Variants in CPLANE1 observed in about 807,000 individuals in gnomAD.
The protein encoded by CPLANE1 is ciliogenesis and planar polarity effector 1.
Under a neutral mutation model 362.5 loss-of-function variants are expected in CPLANE1, and 263 were observed. That is an observed-to-expected ratio of 0.73 (90% CI 0.66 to 0.80). CPLANE1 has a LOEUF of 0.80. Ranked by LOEUF, CPLANE1 falls within the 30% of genes least tolerant of loss-of-function variation. The probability of loss-of-function intolerance (pLI) is 0.00; values close to 1 mark genes in which losing one functional copy is unlikely to be tolerated. For synonymous variants in CPLANE1, 1,212 were observed against 1,302.6 expected (o/e 0.93, Z 1.50); for missense variants, 3,461 against 3,793.4 (o/e 0.91, Z 2.30).
At chr5:37,150,336 C>T (rs1773133602) in intron 42 of CPLANE1, among the ~76,000 whole-genome samples, 1 of 152,130 alleles carries the variant, frequency 6.6e-6, no homozygotes, top group African/African-American at 2.4e-5. Flanking sequence ...CATGTGCTCT[C>T]CCTGAGGAGC....
chr5:37,136,515 G>T (rs1428901536), intron 46 of CPLANE1, among the ~76,000 whole-genome samples: 2 of 152,198 alleles, frequency 1.3e-5, no homozygotes, highest in African/African-American at 2.4e-5. Flanking sequence ...CCATTCTGGG[G>T]TCTGAAGGAC....
chr5:37,201,327 T>C (rs554305866), intron 19 of CPLANE1, among the ~76,000 whole-genome samples: 1 of 152,316 alleles, frequency 6.6e-6, no homozygotes, highest in East Asian at 1.9e-4. Context: ...GGTCCTGAGC[T>C]AGAAGATTTT....
Position 37,122,614 on chromosome 5 carries a change from C to T in CPLANE1, c.8959-126G>A, listed in dbSNP as rs1171135008. On this transcript the variant is annotated intron_variant, in intron 47 of 52. Coordinates refer to ENST00000651892, the MANE Select transcript of CPLANE1 (RefSeq NM_001384732.1). ...TGTTTGATGAAGCTTCCTACTCTAG[C>T]ATAAAACATAAAAATGTTAAATTAA... The T allele has an allele frequency of 8.8e-6, 6 of 682,732 alleles. No individual in the cohort carries two copies. The African/African-American group carries it at 1.1e-4, about 13-fold the overall frequency. The allele number at this position is 682,732 out of a possible 1,614,324, so 42.3% of individuals were successfully genotyped here. A position where few individuals can be genotyped will look rare whatever the true frequency, so the allele number is the denominator to read the frequency against.
intron 24 of CPLANE1, among the ~76,000 whole-genome samples, chr5:37,185,540 C>T (rs1783755825): frequency 6.6e-6 from 1 of 151,696 alleles, no homozygotes; most frequent in Non-Finnish European, 1.5e-5. Context: ...TTCAAGGCTG[C>T]CTATAGAAAC....
chr5:37,180,918 C>G lies in CPLANE1; in HGVS notation c.5509G>C (p.Ala1837Pro), dbSNP rs1202045583. The change falls in exon 27 of 53, where the codon GCA becomes CCA. Residue 1837 changes from alanine to proline, a missense_variant. This residue lies in a region of CPLANE1 where 3,380 missense variants were observed against 3,666.1 expected (regional missense o/e 0.92). Coordinates refer to ENST00000651892, the MANE Select transcript of CPLANE1 (RefSeq NM_001384732.1). Reference sequence around the variant, plus strand: ...CTTTCCTCAGTTCCACCTGGAGTTGCTACTGCAACTGAACCGCCAGCATCT... The same window carrying G: ...CTTTCCTCAGTTCCACCTGGAGTTGGTACTGCAACTGAACCGCCAGCATCT... ...KSDAGGSVAVATPGGTEERNG... is the reference protein window; with the variant it reads ...KSDAGGSVAVPTPGGTEERNG... 2 of 1,613,928 alleles carry G rather than the reference C, an allele frequency of 1.2e-6. No homozygotes were observed. Among genetic ancestry groups the G allele is most frequent in the Non-Finnish European group, 1.7e-6 (2 of 1,179,844 alleles).
the CPLANE1 span, among the ~76,000 whole-genome samples, chr5:37,099,548 G>C: frequency 1.3e-5 from 2 of 152,124 alleles, no homozygotes; most frequent in African/African-American, 4.8e-5. Flanking sequence ...TATCATTGAT[G>C]GGCATTTGGG....
chr5:37,107,389 T>C lies in CPLANE1; in HGVS notation c.*213A>G, dbSNP rs909002375. On this transcript the variant is annotated 3_prime_UTR_variant, in exon 53 of 53. Transcript: ENST00000651892. Reference sequence around the variant, plus strand: ...ATGCATCAAATACAAAAACATATAATACATCAATAGTCAACCCTTTCCCCA... The same window carrying C: ...ATGCATCAAATACAAAAACATATAACACATCAATAGTCAACCCTTTCCCCA... 8.0e-7 allele frequency: 1 copy of C among 1,250,624 alleles called. No individual in the cohort carries two copies. The highest frequency in any genetic ancestry group is 1.0e-6 in the Non-Finnish European group (1 of 994,890). 77.5% of individuals were successfully genotyped at this position (1,250,624 alleles called of 1,614,324 possible).
rs1234365745 is a variant in CPLANE1, at chr5:37,182,804, G to C, written c.5377C>G (p.Gln1793Glu). ...GCCTTATATGTAGCAAAATAGGGTTGTTCCAAAAGCCATAATGATGTAAGA... is the reference window on the plus strand; with the variant it reads ...GCCTTATATGTAGCAAAATAGGGTTCTTCCAAAAGCCATAATGATGTAAGA... ...AILTSLWLLE[Q>E]PYFATYKAKN... Residue 1793 changes from glutamine (Q) to glutamate (E), a missense_variant, in exon 26 of 53, where the codon CAA becomes GAA. Transcript: ENST00000651892. 3 of 1,613,502 alleles carry C rather than the reference G, an allele frequency of 1.9e-6. No individual in the cohort carries two copies. Among genetic ancestry groups the C allele is most frequent in the Non-Finnish European group, 2.5e-6 (3 of 1,179,832 alleles).
At chr5:37,242,110 C>A (rs879398270) in intron 6 of CPLANE1, among the ~76,000 whole-genome samples, 6 of 152,074 alleles carry the variant, frequency 3.9e-5, no homozygotes, top group Admixed American at 3.3e-4. Context: ...AATTCCAGCA[C>A]TTTGGGAGGC....
At chr5:37,243,691 T>G (rs944666838) in intron 5 of CPLANE1, among the ~76,000 whole-genome samples, 1 of 147,074 alleles carries the variant, frequency 6.8e-6, no homozygotes, top group Non-Finnish European at 1.5e-5. Context: ...ATATATAATA[T>G]ATAACATATA....
At chr5:37,216,544 A>G (rs1463214500) in intron 15 of CPLANE1, among the ~76,000 whole-genome samples, 1 of 152,118 alleles carries the variant, frequency 6.6e-6, no homozygotes, top group African/African-American at 2.4e-5. Context: ...GTGAGGCCCT[A>G]TCTCAAACAC....
rs561305782 is a variant in CPLANE1, at chr5:37,220,341, T to C, written c.2746+983A>G. ...TTGCTATCAACTCTGTTTAGAAATT[T>C]CAAATACATTGGGCCTTTCAGACAC... On this transcript the variant is annotated intron_variant, in intron 15 of 52. Coordinates refer to ENST00000651892, the MANE Select transcript of CPLANE1 (RefSeq NM_001384732.1). Among the ~76,000 whole-genome samples, 15 of 152,256 alleles carry C rather than the reference T, an allele frequency of 9.9e-5. No homozygotes were observed. The South Asian group carries it at 2.9e-3, about 29-fold the overall frequency.
intron 46 of CPLANE1, chr5:37,130,684 C>T (rs544532284): frequency 5.2e-5 from 8 of 153,460 alleles, no homozygotes; most frequent in Admixed American, 6.5e-5. Flanking sequence ...AAAGCAAACC[C>T]GTTAATGTTG....
Position 37,167,343 on chromosome 5 carries a change from A to G in CPLANE1, c.7234-130T>C, listed in dbSNP as rs1248936381. ...CAACAGTTAGAACAAATCAAATATA[A>G]CAAATTGATTTAAACTGGCAATATG... is the stretch of plus-strand genomic sequence containing the variant. On this transcript the variant is annotated intron_variant, in intron 34 of 52. Coordinates refer to ENST00000651892, the MANE Select transcript of CPLANE1 (RefSeq NM_001384732.1). 5.5e-6 allele frequency: 4 copies of G among 721,182 alleles called. No individual in the cohort carries two copies. In the East Asian group the frequency reaches 1.1e-4, roughly 20 times the overall value. 44.7% of individuals were successfully genotyped at this position (721,182 alleles called of 1,614,324 possible).
rs866590257 is a variant in CPLANE1, at chr5:37,125,278, T to C, written c.8924A>G (p.Gln2975Arg). The C allele has an allele frequency of 1.9e-6, 3 of 1,614,064 alleles. No homozygotes were observed. The highest frequency in any genetic ancestry group is 2.7e-5 in the African/African-American group (2 of 75,054). The change falls in exon 47 of 53, where the codon CAA becomes CGA. Residue 2975 changes from glutamine (Q) to arginine (R), a missense_variant. Physicochemically the swap from Gln to Arg is conservative, Grantham distance 43. Coordinates refer to ENST00000651892, the MANE Select transcript of CPLANE1 (RefSeq NM_001384732.1). ...TCTGGGACAGAAAGGATCATGTTCT[T>C]GCCCTCTCTTTTCTGCCAGCTCATT... ...YLNELAEKRG[Q>R]EHDPFCPRSN...
chr5:37,126,183 G>A (rs888848843), intron 46 of CPLANE1, among the ~76,000 whole-genome samples: 1 of 152,206 alleles, frequency 6.6e-6, no homozygotes, highest in Non-Finnish European at 1.5e-5. Flanking sequence ...AAGCTGCAGT[G>A]AGCAGTGACT....
At chr5:37,214,748 C>T (rs772585477) in intron 15 of CPLANE1, among the ~76,000 whole-genome samples, 1 of 152,120 alleles carries the variant, frequency 6.6e-6, no homozygotes, top group Non-Finnish European at 1.5e-5. Flanking sequence ...GTGCACATGG[C>T]AATAAAAAGC....
At chr5:37,193,328 T>G (rs962854475) in intron 21 of CPLANE1, among the ~76,000 whole-genome samples, 7 of 152,134 alleles carry the variant, frequency 4.6e-5, no homozygotes, top group African/African-American at 1.7e-4. Context: ...TACTTTGGTT[T>G]AAATTTTCCG....
chr5:37,136,097 G>A (rs1183481438), intron 46 of CPLANE1, among the ~76,000 whole-genome samples: 1 of 152,024 alleles, frequency 6.6e-6, no homozygotes, highest in African/African-American at 2.4e-5. Flanking sequence ...ACTCATTCTA[G>A]CATTAACTCA....
Sources: allele counts gnomAD v4.1 joint callset (sites outside exome capture counted in the v4.1 genomes callset), GRCh38; gene constraint gnomAD v4.1.1; regional missense constraint gnomAD v4.1.1; transcripts MANE v1.5; gene names NCBI Gene and HGNC (gene_info 2026-07-23, HGNC 2026-07-21).